The following POT1 variants were observed in gnomAD, a reference collection of about 807,000 sequenced individuals.
POT1 encodes protection of telomeres protein 1.
In POT1, 47 loss-of-function variants were observed where a neutral mutation model predicts 78.5. The ratio of observed to expected loss-of-function variants is 0.60; its 90% CI spans 0.47 to 0.76. POT1 has a LOEUF of 0.76. POT1 is among the 30% of genes least tolerant of loss of function. POT1 has a pLI of 0.00. For missense variants in POT1, 646 were observed against 749.9 expected (o/e 0.86, Z 1.62); for synonymous variants, 259 against 260.7 (o/e 0.99, Z 0.06).
chr7:124,909,449 C>T (rs1796839271), intron 3 of POT1, among the ~76,000 whole-genome samples: 1 of 151,786 alleles, frequency 6.6e-6, no homozygotes, highest in Non-Finnish European at 1.5e-5. Flanking sequence ...AAAACTCATT[C>T]CTTTAAGCAA....
rs1795774722 is a variant in POT1, at chr7:124,868,063, T to G, written c.255+2848A>C. Among the ~76,000 whole-genome samples the G allele has an allele frequency of 1.3e-5, 2 of 152,146 alleles. 1 individual carries two copies. Among genetic ancestry groups the G allele is most frequent in the South Asian group, 4.1e-4 (2 of 4,834 alleles). The stretch of plus-strand genomic sequence containing the variant: ...AATAAATAAATAAATAAATATTTGC[T>G]GGAAAAAGAAGAGTAGATCTTGACT... On this transcript the variant is annotated intron_variant, in intron 7 of 18. Transcript: ENST00000357628.
chr7:124,867,932 C>T (rs1795771608), intron 7 of POT1, among the ~76,000 whole-genome samples: 1 of 152,138 alleles, frequency 6.6e-6, no homozygotes, highest in Non-Finnish European at 1.5e-5. Context: ...AGGCGTGAGC[C>T]ACCACTTTAT....
intron 3 of POT1, among the ~76,000 whole-genome samples, chr7:124,914,622 T>A (rs904375395): frequency 2.2e-4 from 34 of 152,278 alleles, no homozygotes; most frequent in Non-Finnish European, 3.1e-4. Flanking sequence ...AAATGTTTTT[T>A]AAAAAATTAT....
intron 14 of POT1, among the ~76,000 whole-genome samples, chr7:124,840,191 T>C (rs1325193696): frequency 6.6e-6 from 1 of 152,046 alleles, no homozygotes; most frequent in African/African-American, 2.4e-5. Context: ...TACATAGAAT[T>C]CCCTCATTTA....
chr7:124,830,044 C>A (rs1339741922), intron 15 of POT1, among the ~76,000 whole-genome samples: 1 of 151,902 alleles, frequency 6.6e-6, no homozygotes, highest in African/African-American at 2.4e-5. Flanking sequence ...TAAATATGGC[C>A]AATAGAGAAA....
At chr7:124,898,930 T>C (rs905210005) in intron 3 of POT1, among the ~76,000 whole-genome samples, 2 of 152,214 alleles carry the variant, frequency 1.3e-5, no homozygotes, top group African/African-American at 4.8e-5. Flanking sequence ...TCTTTAAATT[T>C]CCTTTTCTTA....
In POT1 at chr7:124,857,059, T is replaced by C. The variant is rs78764420; in HGVS notation, c.702+1898A>G. ...CTTGGTTTGTTGTTGTTTTGTTTTC[T>C]AATTACTATTTTTTCTGTAACCCAG... On this transcript the variant is annotated intron_variant, in intron 9 of 18. Transcript: ENST00000357628. Among the ~76,000 whole-genome samples the C allele has an allele frequency of 4.0e-3, 609 of 152,326 alleles. 6 individuals carry two copies. The highest frequency in any genetic ancestry group is 0.012 in the African/African-American group (507 of 41,568).
chr7:124,839,080 G>A (rs1476217350), intron 14 of POT1, among the ~76,000 whole-genome samples: 2 of 152,188 alleles, frequency 1.3e-5, no homozygotes, highest in African/African-American at 4.8e-5. Context: ...TTAGAAATAA[G>A]GATGGTGTGA....
intron 3 of POT1, among the ~76,000 whole-genome samples, chr7:124,907,374 T>C (rs1487948204): frequency 6.6e-6 from 1 of 151,996 alleles, no homozygotes; most frequent in Non-Finnish European, 1.5e-5. Context: ...ATGAAGTCAG[T>C]AAAGGTCTTC....
At chr7:124,920,957 C>T (rs879501614) in intron 2 of POT1, among the ~76,000 whole-genome samples, 3 of 151,828 alleles carry the variant, frequency 2.0e-5, no homozygotes, top group South Asian at 4.2e-4. Context: ...ATTAGCTGGG[C>T]GTGGTGGCAT....
At chr7:124,858,493 A>C (rs1247599885) in intron 9 of POT1, among the ~76,000 whole-genome samples, 3 of 151,976 alleles carry the variant, frequency 2.0e-5, no homozygotes, top group Non-Finnish European at 4.4e-5. Context: ...CCCAATTTAT[A>C]ATATTATAAA....
intron 3 of POT1, among the ~76,000 whole-genome samples, chr7:124,901,674 A>T (rs1370203549): frequency 1.3e-5 from 2 of 152,210 alleles, no homozygotes; most frequent in Non-Finnish European, 2.9e-5. Context: ...TGGACAGAGA[A>T]TAACTTTGAT....
At chr7:124,839,446 T>C (rs1343587987) in intron 14 of POT1, among the ~76,000 whole-genome samples, 1 of 152,206 alleles carries the variant, frequency 6.6e-6, no homozygotes, top group Non-Finnish European at 1.5e-5. Flanking sequence ...CAGTGAATAC[T>C]GCTGCAGGTC....
chr7:124,900,481 T>C (rs4283967), intron 3 of POT1, among the ~76,000 whole-genome samples: 91,238 of 151,792 alleles, frequency 0.6, 27,551 homozygotes, highest in African/African-American at 0.65. Flanking sequence ...TCTTAATGCC[T>C]TTAAAGCCCT....
At chr7:124,920,613 A>G (rs1797126219) in intron 2 of POT1, among the ~76,000 whole-genome samples, 1 of 152,204 alleles carries the variant, frequency 6.6e-6, no homozygotes, top group South Asian at 2.1e-4. Flanking sequence ...GTAAGTACAC[A>G]ATAGAGAGCT....
At chr7:124,893,188 A>G (rs1394462601) in intron 5 of POT1, among the ~76,000 whole-genome samples, 1 of 151,400 alleles carries the variant, frequency 6.6e-6, no homozygotes, top group African/African-American at 2.4e-5. Flanking sequence ...ATTCTAAAAA[A>G]TGCAATTTAA....
At chr7:124,860,501 T>C (rs1409529726) in intron 8 of POT1, among the ~76,000 whole-genome samples, 1 of 152,186 alleles carries the variant, frequency 6.6e-6, no homozygotes, top group Admixed American at 6.5e-5. Flanking sequence ...TTTGTAAATA[T>C]TTTAAATTAT....
At chr7:124,906,749 G>A (rs1796775490) in intron 3 of POT1, among the ~76,000 whole-genome samples, 1 of 152,026 alleles carries the variant, frequency 6.6e-6, no homozygotes, top group African/African-American at 2.4e-5. Flanking sequence ...GTAAATTAAT[G>A]AATTAACACT....
chr7:124,859,588 G>C (rs1412674201), intron 8 of POT1, among the ~76,000 whole-genome samples: 2 of 151,770 alleles, frequency 1.3e-5, no homozygotes, highest in Non-Finnish European at 2.9e-5. Context: ...AGTAAATGTT[G>C]TAAATTTGAA....
Sources: gnomAD v4.1 joint callset for allele counts (sites outside exome capture counted in the v4.1 genomes callset) on GRCh38, gnomAD v4.1.1 for gene constraint, MANE v1.5 for transcripts, NCBI Gene and HGNC (gene_info 2026-07-23, HGNC 2026-07-21) for gene names.